PCLO: variants seen among roughly 807,000 people sequenced by gnomAD.
The protein encoded by PCLO is piccolo presynaptic cytomatrix protein.
Under a neutral mutation model 427.5 loss-of-function variants are expected in PCLO, and 82 were observed. The ratio of observed to expected loss-of-function variants is 0.19; its 90% confidence interval spans 0.16 to 0.23. PCLO has a LOEUF of 0.23. Ranked by LOEUF, PCLO falls within the 10% of genes least tolerant of loss-of-function variation. PCLO has a pLI of 1.00. For synonymous variants in PCLO, 2,357 were observed against 2,155.4 expected (o/e 1.09, Z -2.59); for missense variants, 6,239 against 6,115.9 (o/e 1.02, Z -0.67).
At chr7:82,921,757 A>G (rs1446105376) in intron 6 of PCLO, among the ~76,000 whole-genome samples, 1 of 152,012 alleles carries the variant, frequency 6.6e-6, no homozygotes, top group African/African-American at 2.4e-5. Context: ...GGACCTAACT[A>G]AAGAGCTTCT....
chr7:82,997,596 T>G (rs1787660937), intron 3 of PCLO, among the ~76,000 whole-genome samples: 1 of 151,822 alleles, frequency 6.6e-6, no homozygotes, highest in African/African-American at 2.4e-5. Context: ...AACAAAAATT[T>G]TCATGGTATA....
intron 3 of PCLO, among the ~76,000 whole-genome samples, chr7:83,083,438 G>C (rs1278715796): frequency 6.6e-6 from 1 of 151,694 alleles, no homozygotes; most frequent in African/African-American, 2.4e-5. Context: ...TTTTATTTTT[G>C]AGGGTTTCCT....
intron 7 of PCLO, 124 bp from the exon 8 acceptor site, chr7:82,909,137 T>A (rs1794263146): frequency 1.2e-6 from 1 of 847,384 alleles, no homozygotes; most frequent in African/African-American, 1.7e-5. Flanking sequence ...TTCAAACACA[T>A]CTCCCCTTGG....
Position 83,017,684 on chromosome 7 carries a change from T to A in PCLO, c.3301-51197A>T, listed in dbSNP as rs552319819. ...TCATGTTACTCTTTTGCATCCTGAA[T>A]AATAAAAAACTTGTTTACCCATTTT... On this transcript the variant is annotated intron_variant, in intron 3 of 24. Transcript: ENST00000333891. Among the ~76,000 whole-genome samples the A allele has an allele frequency of 3.3e-5, 5 of 152,086 alleles. No homozygotes were observed. In the East Asian group the frequency reaches 5.8e-4, roughly 18 times the overall value.
chr7:83,071,259 T>A (rs1410127750), intron 3 of PCLO, among the ~76,000 whole-genome samples: 2 of 152,192 alleles, frequency 1.3e-5, no homozygotes, highest in Non-Finnish European at 1.5e-5. Flanking sequence ...ACTTTCTGCC[T>A]CTATGAATAT....
At chr7:83,005,028 T>G (rs1583897508) in intron 3 of PCLO, among the ~76,000 whole-genome samples, 1 of 151,530 alleles carries the variant, frequency 6.6e-6, no homozygotes, top group Non-Finnish European at 1.5e-5. Context: ...ATAATAAGTG[T>G]TGGAAAGGGT....
chr7:83,137,147 G>T (rs977048520), intron 2 of PCLO, among the ~76,000 whole-genome samples: 2 of 152,046 alleles, frequency 1.3e-5, no homozygotes, highest in African/African-American at 4.8e-5. Context: ...TGTTCAGCTG[G>T]CAAACAGTAC....
intron 6 of PCLO, among the ~76,000 whole-genome samples, chr7:82,936,122 C>T (rs570204342): frequency 6.6e-6 from 1 of 151,686 alleles, no homozygotes; most frequent in Non-Finnish European, 1.5e-5. Context: ...AGTGCACATT[C>T]CTCTCAGGTG....
intron 3 of PCLO, among the ~76,000 whole-genome samples, chr7:83,033,377 A>T (rs1465369272): frequency 1.3e-5 from 2 of 152,174 alleles, no homozygotes; most frequent in Non-Finnish European, 2.9e-5. Context: ...ACACAATAAG[A>T]TAATATTTGG....
intron 3 of PCLO, among the ~76,000 whole-genome samples, chr7:83,002,985 G>T (rs1179044085): frequency 6.6e-6 from 1 of 151,156 alleles, no homozygotes; most frequent in Non-Finnish European, 1.5e-5. Flanking sequence ...TTTTAAATTT[G>T]TCATTTTAGA....
intron 3 of PCLO, among the ~76,000 whole-genome samples, chr7:82,985,389 G>A (rs1796235054): frequency 6.6e-6 from 1 of 152,018 alleles, no homozygotes; most frequent in Non-Finnish European, 1.5e-5. Context: ...GCTGATTCAG[G>A]AATATTCTGT....
chr7:82,796,043 G>T (rs983568231), intron 22 of PCLO, among the ~76,000 whole-genome samples: 2 of 151,998 alleles, frequency 1.3e-5, no homozygotes, highest in African/African-American at 4.8e-5. Context: ...AAAATATTCT[G>T]GGCTTTCATC....
rs1216377906 is a variant in PCLO at position 82,915,224 on chromosome 7, T to A, written c.12762A>T (p.Lys4254Asn). 1.9e-6 allele frequency: 3 copies of A among 1,613,190 alleles called. No homozygotes were observed. Residue 4254 changes from lysine (K) to asparagine (N), a missense_variant, in exon 7 of 25, where the codon AAA becomes AAT. Around this residue, in one of 5 missense-constraint regions of PCLO, gnomAD observed 680 missense variants for 677.3 expected, o/e 1.00. Coordinates refer to ENST00000333891, the MANE Select transcript of PCLO (RefSeq NM_033026.6). ...CTGTGCCAAGAGAAGATCCCATAAATTTTTGTTGGTCTGTAATATTTTTTC... is the reference window on the plus strand; with the variant it reads ...CTGTGCCAAGAGAAGATCCCATAAAATTTTGTTGGTCTGTAATATTTTTTC... Reference protein sequence around the residue: ...GLRKNITDQQKFMGSSLGTGL... With the variant: ...GLRKNITDQQNFMGSSLGTGL...
chr7:82,762,355 A>G (rs935283316), intron 22 of PCLO, among the ~76,000 whole-genome samples: 1 of 152,104 alleles, frequency 6.6e-6, no homozygotes, highest in Non-Finnish European at 1.5e-5. Flanking sequence ...AAGGAAATAT[A>G]ACATGAGAAA....
intron 9 of PCLO, among the ~76,000 whole-genome samples, chr7:82,892,601 T>C (rs1793797195): frequency 6.6e-6 from 1 of 151,742 alleles, no homozygotes; most frequent in Non-Finnish European, 1.5e-5. Context: ...CTAAAGAGCT[T>C]CTGCACAGCA....
intron 3 of PCLO, among the ~76,000 whole-genome samples, chr7:83,055,877 T>C (rs1301011118): frequency 2.6e-5 from 4 of 152,160 alleles, no homozygotes; most frequent in Admixed American, 6.5e-5. Flanking sequence ...TTTAGAAATC[T>C]AGTAACCAGA....
At chr7:83,059,847 A>G (rs1040365969) in intron 3 of PCLO, among the ~76,000 whole-genome samples, 1 of 152,172 alleles carries the variant, frequency 6.6e-6, no homozygotes, top group Non-Finnish European at 1.5e-5. Context: ...ATGTAATAAC[A>G]TGAAAGGAAT....
intron 3 of PCLO, among the ~76,000 whole-genome samples, chr7:83,077,092 C>A (rs1437877630): frequency 6.6e-6 from 1 of 151,926 alleles, no homozygotes; most frequent in Non-Finnish European, 1.5e-5. Flanking sequence ...ACCTAAAATT[C>A]TTTCTTTTTG....
chr7:82,884,794 A>C (rs1230918257), intron 9 of PCLO, among the ~76,000 whole-genome samples: 1 of 152,036 alleles, frequency 6.6e-6, no homozygotes, highest in African/African-American at 2.4e-5. Context: ...GTCATTCACT[A>C]TGGTGTTAAA....
Sources: allele counts gnomAD v4.1 joint callset (sites outside exome capture counted in the v4.1 genomes callset), GRCh38; gene constraint gnomAD v4.1.1; regional missense constraint gnomAD v4.1.1; transcripts MANE v1.5; gene names NCBI Gene and HGNC (gene_info 2026-07-23, HGNC 2026-07-21).